The following SLC24A2 variants were observed in gnomAD, a reference collection of about 807,000 sequenced individuals.
The protein encoded by SLC24A2 is sodium/potassium/calcium exchanger 2.
In SLC24A2, 36 loss-of-function variants were observed where a neutral mutation model predicts 62.0. That is an observed-to-expected ratio of 0.58 (90% confidence interval 0.44 to 0.77). The LOEUF is 0.77. Ranked by LOEUF, SLC24A2 falls within the 30% of genes least tolerant of loss-of-function variation. The probability of loss-of-function intolerance (pLI) is 0.00; values close to 1 mark genes in which losing one functional copy is unlikely to be tolerated. For synonymous variants in SLC24A2, 358 were observed against 294.0 expected, an observed-to-expected ratio of 1.22 and a Z score of -2.23; for missense variants, 846 against 817.9, an observed-to-expected ratio of 1.03 and a Z score of -0.42.
the SLC24A2 span, among the ~76,000 whole-genome samples, chr9:20,298,380 C>A: frequency 1.4e-3 from 210 of 152,290 alleles, no homozygotes; most frequent in East Asian, 3.7e-3. Context: ...AGGCACGCGC[C>A]ACCATGCCCA....
At chr9:20,282,628 A>G in the SLC24A2 span, among the ~76,000 whole-genome samples, 1 of 152,220 alleles carries the variant, frequency 6.6e-6, no homozygotes, top group African/African-American at 2.4e-5. Context: ...CTTTTCAACT[A>G]TTAAAATTAA....
At chr9:20,053,470 T>G in the SLC24A2 span, among the ~76,000 whole-genome samples, 3 of 152,206 alleles carry the variant, frequency 2.0e-5, no homozygotes, top group African/African-American at 7.2e-5. Context: ...TTCCTTGCTC[T>G]GATCTTCGTT....
chr9:19,749,798 G>T (rs551061118), intron 2 of SLC24A2, among the ~76,000 whole-genome samples: 6 of 152,278 alleles, frequency 3.9e-5, no homozygotes, highest in South Asian at 2.1e-4. Flanking sequence ...ACTCAGTGGG[G>T]TTTGGGGTCA....
chr9:19,993,716 T>C, the SLC24A2 span, among the ~76,000 whole-genome samples: 4 of 152,152 alleles, frequency 2.6e-5, no homozygotes, highest in Non-Finnish European at 4.4e-5. Flanking sequence ...CAGGAGATAA[T>C]TGAGCATTTC....
the SLC24A2 span, among the ~76,000 whole-genome samples, chr9:20,115,876 T>C: frequency 6.6e-6 from 1 of 152,202 alleles, no homozygotes; most frequent in Admixed American, 6.5e-5. Context: ...AAGCAATGAT[T>C]GCATCAGACT....
At chr9:20,164,120 A>G in the SLC24A2 span, among the ~76,000 whole-genome samples, 2 of 152,208 alleles carry the variant, frequency 1.3e-5, no homozygotes, top group Non-Finnish European at 2.9e-5. Flanking sequence ...ACAAAAGCCA[A>G]AATGGACAAA....
chr9:19,676,987 G>A (rs772713603), intron 2 of SLC24A2, among the ~76,000 whole-genome samples: 4 of 152,178 alleles, frequency 2.6e-5, no homozygotes, highest in Admixed American at 6.5e-5. Flanking sequence ...TGGTGGGAGT[G>A]TAAATTAGTT....
the SLC24A2 span, among the ~76,000 whole-genome samples, chr9:20,012,489 A>AC: frequency 6.6e-6 from 1 of 152,170 alleles, no homozygotes. Context: ...AAAACATATC[A>AC]CCCACTCTCA....
the SLC24A2 span, among the ~76,000 whole-genome samples, chr9:20,080,335 T>C: frequency 1.3e-5 from 2 of 152,224 alleles, no homozygotes; most frequent in South Asian, 4.1e-4. Flanking sequence ...TATCTGCAAC[T>C]ATCTGATCTT....
chr9:20,289,132 A>C, the SLC24A2 span, among the ~76,000 whole-genome samples: 2 of 152,140 alleles, frequency 1.3e-5, no homozygotes, highest in Non-Finnish European at 2.9e-5. Flanking sequence ...CTGTGAGCAA[A>C]ACATAGGTCA....
At chr9:20,138,291 G>A in the SLC24A2 span, among the ~76,000 whole-genome samples, 2 of 152,054 alleles carry the variant, frequency 1.3e-5, no homozygotes, top group Admixed American at 1.3e-4. Context: ...TTTGTCATTT[G>A]ATTTTTTTCA....
the SLC24A2 span, among the ~76,000 whole-genome samples, chr9:19,868,769 T>C: frequency 1.3e-5 from 2 of 152,216 alleles, no homozygotes; most frequent in African/African-American, 2.4e-5. Flanking sequence ...TGTATTTTCT[T>C]ATACTAATTT....
At chr9:20,291,042 G>C in the SLC24A2 span, among the ~76,000 whole-genome samples, 2,615 of 152,228 alleles carry the variant, frequency 0.017, 76 homozygotes, top group African/African-American at 0.058. Flanking sequence ...CTTGACCAGG[G>C]GTCCTTGTGC....
chr9:19,972,095 T>A, the SLC24A2 span, among the ~76,000 whole-genome samples: 1 of 152,076 alleles, frequency 6.6e-6, no homozygotes, highest in South Asian at 2.1e-4. Flanking sequence ...TATACTTTGT[T>A]AGCTGGGTTG....
intron 2 of SLC24A2, among the ~76,000 whole-genome samples, chr9:19,673,002 A>G (rs190984695): frequency 6.8e-6 from 1 of 146,580 alleles, no homozygotes; most frequent in East Asian, 1.9e-4. Flanking sequence ...AACAGAATGT[A>G]TATTCTGCAG....
At position 19,713,852 on chromosome 9, in the gene SLC24A2, G is replaced by T. The variant is rs146204914; in HGVS notation, c.930+72085C>A. ...AGAATACTAGATGAATTTATAAGAT[G>T]CTGACTTTCTTCTGGAAGAACTGTA... On this transcript the variant is annotated intron_variant, in intron 2 of 10. Transcript: ENST00000341998. 7.4e-3 allele frequency among the ~76,000 whole-genome samples: 1,125 copies of T among 152,098 alleles called. 18 individuals are homozygous for T. The highest frequency in any genetic ancestry group is 0.026 in the African/African-American group (1,077 of 41,468).
the SLC24A2 span, among the ~76,000 whole-genome samples, chr9:20,217,313 G>C: frequency 2.0e-5 from 3 of 152,186 alleles, no homozygotes; most frequent in African/African-American, 4.8e-5. Context: ...CTTTGCAGGG[G>C]ATGAGTAGTG....
chr9:20,078,870 T>G, the SLC24A2 span, among the ~76,000 whole-genome samples: 3 of 152,198 alleles, frequency 2.0e-5, no homozygotes, highest in African/African-American at 7.2e-5. Flanking sequence ...AAATGAAGAA[T>G]TGTATGTGCT....
the SLC24A2 span, among the ~76,000 whole-genome samples, chr9:20,227,337 G>T: frequency 6.6e-6 from 1 of 152,074 alleles, no homozygotes; most frequent in African/African-American, 2.4e-5. Flanking sequence ...TCAGAGCCAT[G>T]ATCCTGTACT....
Sources: allele counts gnomAD v4.1 joint callset (sites outside exome capture counted in the v4.1 genomes callset), GRCh38; gene constraint gnomAD v4.1.1; transcripts MANE v1.5; gene names NCBI Gene and HGNC (gene_info 2026-07-23, HGNC 2026-07-21).